Variants in INTS2 observed in about 807,000 individuals in gnomAD.
INTS2 encodes integrator complex subunit 2.
INTS2 carries 57 observed loss-of-function variants against 139.6 expected under a neutral mutation model. That is an observed-to-expected ratio of 0.41 (90% CI 0.33 to 0.51). The LOEUF (loss-of-function observed/expected upper bound fraction) is 0.51, where lower values mean the gene tolerates loss of function less well. INTS2 is among the 20% of genes least tolerant of loss of function. The pLI is 0.28. For synonymous variants in INTS2, 473 were observed against 493.4 expected (o/e 0.96, Z 0.55); for missense variants, 1,196 against 1,436.7 (o/e 0.83, Z 2.71).
chr17:61,867,865 G>A lies in INTS2; in HGVS notation c.3389C>T (p.Thr1130Ile). ...AATTGGATCAATGTCTCTTGTCTGA[G>A]TGGCAACATCAGAGGCACAAACTTG... ...IGQVCASDVA[T>I]QTRDIDPIIT... The change falls in exon 24 of 25, where the codon ACT (threonine) becomes ATT (isoleucine). Residue 1130 changes from threonine (T) to isoleucine (I), a missense_variant. Physicochemically the swap from Thr to Ile is moderately conservative, Grantham distance 89. Coordinates refer to ENST00000251334, the MANE Select transcript of INTS2 (RefSeq NM_001351695.2). The surrounding 1 kb of genome is among the most constrained non-coding windows in gnomAD (Gnocchi z 5.6). 6.2e-7 allele frequency: 1 copy of A among 1,603,086 alleles called. No individual in the cohort carries two copies. Among genetic ancestry groups the A allele is most frequent in the East Asian group, 2.2e-5 (1 of 44,840 alleles).
chr17:61,882,687 C>T lies in INTS2; in HGVS notation c.2090-1516G>A, dbSNP rs568554561. Among the ~76,000 whole-genome samples, 33 of 152,268 alleles carry T rather than the reference C, an allele frequency of 2.2e-4. No homozygotes were observed. The highest frequency in any genetic ancestry group is 7.7e-4 in the African/African-American group (32 of 41,548). Reference sequence around the variant, plus strand: ...GAGGTTGCAGTGAGCCAAGATCATGCCATTGCACTCCAGCCTGGGTGACAG... The same window carrying T: ...GAGGTTGCAGTGAGCCAAGATCATGTCATTGCACTCCAGCCTGGGTGACAG... On this transcript the variant is annotated intron_variant, in intron 16 of 24. Coordinates refer to ENST00000251334, the MANE Select transcript of INTS2 (RefSeq NM_001351695.2). This position sits in a 1 kb window ranked among gnomAD's most constrained non-coding sequence, Gnocchi z 4.7.
intron 15 of INTS2, among the ~76,000 whole-genome samples, chr17:61,885,965 T>G (rs923274328): frequency 1.4e-5 from 2 of 148,120 alleles, no homozygotes; most frequent in Admixed American, 6.8e-5. Context: ...CCTGACCTCA[T>G]GATCCACCCG....
At chr17:61,890,505 G>A (rs1035496972) in intron 14 of INTS2, among the ~76,000 whole-genome samples, 2 of 151,492 alleles carry the variant, frequency 1.3e-5, no homozygotes, top group African/African-American at 2.4e-5. Flanking sequence ...TGCTACTCGA[G>A]AGGCTGAGGC....
chr17:61,899,375 C>T (rs555767446), intron 9 of INTS2, among the ~76,000 whole-genome samples: 2 of 152,160 alleles, frequency 1.3e-5, no homozygotes, highest in East Asian at 3.9e-4. Flanking sequence ...CTCAGCCTCC[C>T]GAGCAGCTGG....
intron 15 of INTS2, among the ~76,000 whole-genome samples, chr17:61,888,105 T>A (rs1278117734): frequency 2.2e-4 from 33 of 151,468 alleles, no homozygotes; most frequent in Admixed American, 2.2e-3. Flanking sequence ...GGAGGATCAC[T>A]CACACCTGTA....
At chr17:61,919,611 G>A (rs2079618735) in intron 4 of INTS2, 98 bp from the exon 5 acceptor site, 1 of 660,166 alleles carries the variant, frequency 1.5e-6, no homozygotes, top group Admixed American at 2.6e-5. Flanking sequence ...GAATCTCACT[G>A]TGTTGCCCAG....
intron 5 of INTS2, among the ~76,000 whole-genome samples, chr17:61,917,796 TA>T (rs148181059): frequency 0.038 from 5,718 of 152,206 alleles, 166 homozygotes; most frequent in Non-Finnish European, 0.051. Context: ...CGAATTTTTT[TA>T]AAAAGAAAAA....
Position 61,875,673 on chromosome 17 carries a change from C to T in INTS2, c.2457-635G>A, listed in dbSNP as rs189721270. On this transcript the variant is annotated intron_variant, in intron 18 of 24. Coordinates refer to ENST00000251334, the MANE Select transcript of INTS2 (RefSeq NM_001351695.2). The surrounding 1 kb of genome is among the most constrained non-coding windows in gnomAD (Gnocchi z 4.6). ...ATATGACTGTATAAACAAGGATCAT[C>T]AGACACTTAAAGAAAGCTTTTACTT... Among the ~76,000 whole-genome samples the T allele has an allele frequency of 8.4e-4, 127 of 151,910 alleles. 1 individual carries two copies. Among genetic ancestry groups the T allele is most frequent in the African/African-American group, 2.9e-3 (121 of 41,452 alleles).
At chr17:61,910,110 A>T (rs573155795) in intron 7 of INTS2, 1 of 152,342 alleles carries the variant, frequency 6.6e-6, no homozygotes, top group Non-Finnish European at 1.5e-5. Context: ...AACCTTGAAA[A>T]CATTATGCTA....
chr17:61,902,151 G>A (rs75545207), intron 9 of INTS2, among the ~76,000 whole-genome samples: 17,701 of 152,026 alleles, frequency 0.12, 1,300 homozygotes, highest in Non-Finnish European at 0.16. Context: ...ATAGAAACTC[G>A]TAGGATTAGT....
chr17:61,912,188 T>A, intron 5 of INTS2, 118 bp from the exon 6 acceptor site: 6 of 1,008,172 alleles, frequency 6.0e-6, no homozygotes, highest in Middle Eastern at 2.2e-4. Flanking sequence ...TTGGCCAAAA[T>A]GAAGCAAAAA....
intron 19 of INTS2, chr17:61,874,023 C>T (rs1353644028): frequency 1.3e-5 from 2 of 152,168 alleles, no homozygotes; most frequent in Non-Finnish European, 2.9e-5. Context: ...CTCCCTGACC[C>T]CCATCTTTAT....
intron 11 of INTS2, among the ~76,000 whole-genome samples, chr17:61,895,745 T>G (rs1403818243): frequency 2.0e-5 from 3 of 152,068 alleles, no homozygotes; most frequent in Admixed American, 6.6e-5. Context: ...AATATATGTA[T>G]ATATGTATAT....
At position 61,907,443 on chromosome 17, in the gene INTS2, A is replaced by G. The variant is rs1387468453; in HGVS notation, c.1146T>C (p.Arg382=). Residue 382 remains arginine (R), a synonymous_variant, in exon 8 of 25, where the codon CGT becomes CGC. Transcript: ENST00000251334. ...EHVVKASALL[R]LYCALMGIAG... ...CGATCCCCATCAAAGCACAGTACAG[A>G]CGTAAGAGTGCACTGGCTTTCACAA... The G allele has an allele frequency of 1.3e-6, 2 of 1,597,874 alleles. No homozygotes were observed. The highest frequency in any genetic ancestry group is 1.7e-5 in the Admixed American group (1 of 57,554).
intron 5 of INTS2, among the ~76,000 whole-genome samples, chr17:61,913,457 G>A (rs2143119924): frequency 6.6e-6 from 1 of 151,384 alleles, no homozygotes; most frequent in East Asian, 1.9e-4. Context: ...GCAGAAAAGA[G>A]AATGACATCT....
At position 61,875,778 on chromosome 17, in the gene INTS2, G is replaced by A. The variant is rs533308464; in HGVS notation, c.2457-740C>T. On this transcript the variant is annotated intron_variant, in intron 18 of 24. Coordinates refer to ENST00000251334, the MANE Select transcript of INTS2 (RefSeq NM_001351695.2). This position sits in a 1 kb window ranked among gnomAD's most constrained non-coding sequence, Gnocchi z 4.6. ...AGGGATAAGGAGAAAAAAAATTTTC[G>A]AACTATTAATATCCTAAAAGAATAA... 9.2e-5 allele frequency among the ~76,000 whole-genome samples: 14 copies of A among 151,942 alleles called. No homozygotes were observed. Among genetic ancestry groups the A allele is most frequent in the East Asian group, 1.9e-4 (1 of 5,202 alleles).
chr17:61,923,918 G>A (rs2079680324), intron 3 of INTS2, among the ~76,000 whole-genome samples: 1 of 152,112 alleles, frequency 6.6e-6, no homozygotes, highest in South Asian at 2.1e-4. Flanking sequence ...CTCCCAAAGT[G>A]CTGGGATTAC....
chr17:61,909,823 A>ACGTG lies in INTS2; in HGVS notation c.954+1696_954+1697insCACG, dbSNP rs1311962191. Among the ~76,000 whole-genome samples, 5 of 138,780 alleles carry ACGTG rather than the reference A, an allele frequency of 3.6e-5. No individual in the cohort carries two copies. Among genetic ancestry groups the ACGTG allele is most frequent in the African/African-American group, 1.3e-4 (5 of 38,516 alleles). The allele number at this position is 138,780 out of a possible 152,430, so 91.0% of individuals were successfully genotyped here. On this transcript the variant is annotated intron_variant, in intron 7 of 24. Coordinates refer to ENST00000251334, the MANE Select transcript of INTS2 (RefSeq NM_001351695.2). The surrounding 1 kb of genome is among the most constrained non-coding windows in gnomAD (Gnocchi z 4.9). Reference sequence around the variant, plus strand: ...TATACGTGTGTGTGTACATGTGTGTATGTGTGTGTGTGTGTGTGTGTGTGT... The same window carrying ACGTG: ...TATACGTGTGTGTGTACATGTGTGTACGTGTGTGTGTGTGTGTGTGTGTGTGTGT...
At chr17:61,922,822 A>C (rs533268896) in intron 3 of INTS2, among the ~76,000 whole-genome samples, 32 of 152,156 alleles carry the variant, frequency 2.1e-4, no homozygotes, top group Middle Eastern at 3.4e-3. Flanking sequence ...TCATGCCTGT[A>C]ATCTCAGAAC....
Sources: allele counts gnomAD v4.1 joint callset (sites outside exome capture counted in the v4.1 genomes callset), GRCh38; gene constraint gnomAD v4.1.1; non-coding constraint Gnocchi (gnomAD v3.1); transcripts MANE v1.5; gene names NCBI Gene and HGNC (gene_info 2026-07-23, HGNC 2026-07-21).